The following TOP6BL variants were observed in gnomAD, a reference collection of about 807,000 sequenced individuals.
TOP6BL encodes TOP6B like initiator of meiotic double strand breaks, also known as type 2 DNA topoisomerase 6 subunit B-like.
At chr11:66,756,551 T>C in the TOP6BL span, 3 of 1,008,538 alleles carry the variant, frequency 3.0e-6, no homozygotes, top group African/African-American at 3.5e-5. Flanking sequence ...AGCCCTCAAT[T>C]TTCAGTTATA....
the TOP6BL span, among the ~76,000 whole-genome samples, chr11:66,801,994 C>T: frequency 6.6e-6 from 1 of 152,010 alleles, no homozygotes; most frequent in Non-Finnish European, 1.5e-5. Context: ...ATGCTTAAGT[C>T]CAATTAATTT....
chr11:66,776,031 C>G, the TOP6BL span, among the ~76,000 whole-genome samples: 1 of 151,832 alleles, frequency 6.6e-6, no homozygotes, highest in African/African-American at 2.4e-5. Context: ...ATTATGACAA[C>G]TCCATCTTTT....
At chr11:66,788,060 G>A in the TOP6BL span, 1 of 759,638 alleles carries the variant, frequency 1.3e-6, no homozygotes, top group Non-Finnish European at 2.2e-6. Context: ...TTTCATCAGG[G>A]AAAAGCCTTC....
At chr11:66,745,314 T>TGGGGGGGGGGG in the TOP6BL span, among the ~76,000 whole-genome samples, 2 of 111,048 alleles carry the variant, frequency 1.8e-5, no homozygotes, top group African/African-American at 7.2e-5. Context: ...CGGGGCGGGG[T>TGGGGGGGGGGG]GGGGGGAGTC....
chr11:66,841,407 C>T, the TOP6BL span, among the ~76,000 whole-genome samples: 4 of 152,130 alleles, frequency 2.6e-5, no homozygotes, highest in South Asian at 4.1e-4. Context: ...TGAGCCACCG[C>T]GCCCGGCCAA....
chr11:66,817,959 C>G, the TOP6BL span, among the ~76,000 whole-genome samples: 4 of 152,220 alleles, frequency 2.6e-5, no homozygotes, highest in African/African-American at 9.6e-5. Context: ...TTTCTCAATG[C>G]CCTCCTAATC....
the TOP6BL span, among the ~76,000 whole-genome samples, chr11:66,783,812 G>C: frequency 6.6e-6 from 1 of 151,874 alleles, no homozygotes; most frequent in Non-Finnish European, 1.5e-5. Flanking sequence ...GTGGTTTTTA[G>C]TATATTTTCG....
the TOP6BL span, among the ~76,000 whole-genome samples, chr11:66,827,030 G>A: frequency 1.4e-5 from 2 of 137,936 alleles, no homozygotes; most frequent in African/African-American, 2.8e-5. Context: ...TGCCCAGGCT[G>A]GAGTGCAATG....
the TOP6BL span, among the ~76,000 whole-genome samples, chr11:66,831,921 C>T: frequency 1.5e-5 from 2 of 136,392 alleles, no homozygotes; most frequent in Non-Finnish European, 3.1e-5. Context: ...TGCTTGAACC[C>T]GGGCGGCAGA....
the TOP6BL span, chr11:66,762,070 C>G: frequency 1.6e-6 from 2 of 1,276,496 alleles, no homozygotes; most frequent in Non-Finnish European, 2.3e-6. Flanking sequence ...TAGCTTCTGT[C>G]CCATTCAGTT....
At chr11:66,800,707 A>T in the TOP6BL span, 1 of 1,591,426 alleles carries the variant, frequency 6.3e-7, no homozygotes, top group Middle Eastern at 1.7e-4. Context: ...GTAAGTTCTT[A>T]GGTCTATGGC....
chr11:66,804,691 A>G, the TOP6BL span, among the ~76,000 whole-genome samples: 2 of 152,172 alleles, frequency 1.3e-5, no homozygotes, highest in African/African-American at 4.8e-5. Flanking sequence ...TAATCCCAGC[A>G]CTTTGGCAGG....
chr11:66,832,870 G>A, the TOP6BL span, among the ~76,000 whole-genome samples: 1 of 152,056 alleles, frequency 6.6e-6, no homozygotes, highest in African/African-American at 2.4e-5. Flanking sequence ...CCAAAATCAA[G>A]GTGTTGGCAG....
At chr11:66,840,913 A>T in the TOP6BL span, among the ~76,000 whole-genome samples, 1 of 151,716 alleles carries the variant, frequency 6.6e-6, no homozygotes, top group African/African-American at 2.4e-5. Context: ...TGGGCTCAAG[A>T]CTCTCAAATT....
At chr11:66,754,419 C>A in the TOP6BL span, among the ~76,000 whole-genome samples, 26 of 151,984 alleles carry the variant, frequency 1.7e-4, no homozygotes, top group African/African-American at 6.0e-4. Flanking sequence ...TTAAAGTTTT[C>A]TTTTCTCCAC....
chr11:66,811,126 C>T, the TOP6BL span, among the ~76,000 whole-genome samples: 1 of 151,968 alleles, frequency 6.6e-6, no homozygotes. Flanking sequence ...GCTAATTTTG[C>T]ATGTGTGTGT....
chr11:66,822,876 C>T, the TOP6BL span, among the ~76,000 whole-genome samples: 1 of 151,852 alleles, frequency 6.6e-6, no homozygotes, highest in Admixed American at 6.6e-5. Flanking sequence ...GAGTGGTGCA[C>T]ACCTGTGGTT....
At chr11:66,837,425 CCGAGAAGCACAAAT>C in the TOP6BL span, among the ~76,000 whole-genome samples, 1 of 151,260 alleles carries the variant, frequency 6.6e-6, no homozygotes, top group African/African-American at 2.4e-5. Context: ...CTGCACCTGG[CCGAGAAGCACAAAT>C]TTTTAATTTT....
At chr11:66,815,902 TAGAG>T in the TOP6BL span, 796 of 654,466 alleles carry the variant, frequency 1.2e-3, 6 homozygotes, top group African/African-American at 0.013. Context: ...ATCATGTGGA[TAGAG>T]AAACAGGTTC....
Sources: allele counts gnomAD v4.1 joint callset (sites outside exome capture counted in the v4.1 genomes callset), GRCh38; gene constraint gnomAD v4.1.1; transcripts MANE v1.5; gene names NCBI Gene and HGNC (gene_info 2026-07-23, HGNC 2026-07-21).